The following RBFOX1 variants were observed in gnomAD, a reference collection of about 807,000 sequenced individuals.
RBFOX1 encodes RNA binding protein fox-1 homolog 1.
In RBFOX1, 8 loss-of-function variants were observed where a neutral mutation model predicts 57.7. That is an observed-to-expected ratio of 0.14 (90% confidence interval 0.08 to 0.25). RBFOX1 has a LOEUF of 0.25. Among genes scored for constraint, RBFOX1 ranks in the 10% least tolerant of loss-of-function variants. The pLI is 1.00. For missense variants in RBFOX1, 611 were observed against 548.5 expected (o/e 1.11, Z -1.14); for synonymous variants, 326 against 222.4 (o/e 1.47, Z -4.15).
intron 1 of RBFOX1, among the ~76,000 whole-genome samples, chr16:5,362,536 A>G (rs981886602): frequency 3.3e-5 from 5 of 152,032 alleles, no homozygotes; most frequent in Admixed American, 3.3e-4. Flanking sequence ...CTAATTTTGT[A>G]TTTTTAGTAG....
chr16:5,493,502 G>C (rs1419252314), intron 2 of RBFOX1, among the ~76,000 whole-genome samples: 6 of 152,220 alleles, frequency 3.9e-5, no homozygotes, highest in Non-Finnish European at 7.3e-5. Context: ...AAAGTACCCT[G>C]CCTCCATCAG....
chr16:5,381,517 C>T (rs1456779164), intron 1 of RBFOX1, among the ~76,000 whole-genome samples: 4 of 152,146 alleles, frequency 2.6e-5, no homozygotes, highest in East Asian at 1.9e-4. Flanking sequence ...GCTGAGGCTG[C>T]AGGCCCATAG....
chr16:5,803,303 A>G (rs1387994061), intron 3 of RBFOX1, among the ~76,000 whole-genome samples: 3 of 152,068 alleles, frequency 2.0e-5, no homozygotes, highest in Non-Finnish European at 4.4e-5. Context: ...GTTCCTTTGT[A>G]CTATTTTATG....
rs548843619 is a variant in RBFOX1 at position 5,911,424 on chromosome 16, T to C, written c.351+44089T>C. Among the ~76,000 whole-genome samples, 12 of 152,310 alleles carry C rather than the reference T, an allele frequency of 7.9e-5. No homozygotes were observed. In the South Asian group the frequency reaches 2.5e-3, roughly 32 times the overall value. On this transcript the variant is annotated intron_variant, in intron 4 of 19. Coordinates refer to the RBFOX1 transcript ENST00000641259. ...GCTGTTGAGATAAGCACAACTTCCC[T>C]GGGGGCACCATCCTAGCATTTCACG...
chr16:5,817,174 C>G (rs1194570048), intron 3 of RBFOX1, among the ~76,000 whole-genome samples: 2 of 152,166 alleles, frequency 1.3e-5, no homozygotes. Context: ...CTCTCTCTAT[C>G]TCTCTGTGTG....
chr16:6,849,611 G>T (rs1170666570), intron 3 of RBFOX1, among the ~76,000 whole-genome samples: 4 of 152,208 alleles, frequency 2.6e-5, no homozygotes, highest in African/African-American at 9.7e-5. Flanking sequence ...GGAGGTTTCA[G>T]TGAGCTGAGA....
intron 2 of RBFOX1, among the ~76,000 whole-genome samples, chr16:6,369,365 T>TA (rs538172654): frequency 6.6e-6 from 1 of 152,178 alleles, no homozygotes; most frequent in Admixed American, 6.5e-5. Flanking sequence ...AGGATTGATT[T>TA]AAAAAATGGA....
chr16:7,368,519 C>T (rs751900346), intron 4 of RBFOX1, among the ~76,000 whole-genome samples: 11 of 151,992 alleles, frequency 7.2e-5, no homozygotes, highest in Non-Finnish European at 1.2e-4. Context: ...TGGCTCACAC[C>T]TGTAATCCCA....
At chr16:7,499,503 G>A (rs1307799941) in intron 4 of RBFOX1, among the ~76,000 whole-genome samples, 1 of 152,082 alleles carries the variant, frequency 6.6e-6, no homozygotes, top group African/African-American at 2.4e-5. Context: ...ATAACAGTAT[G>A]TGTTCAATAA....
intron 3 of RBFOX1, among the ~76,000 whole-genome samples, chr16:6,963,682 GATTT>G (rs966806399): frequency 3.3e-5 from 5 of 151,946 alleles, no homozygotes; most frequent in African/African-American, 1.2e-4. Context: ...GAGCATAGAG[GATTT>G]ATTTATTTAT....
chr16:7,236,314 G>T (rs1168996500), intron 4 of RBFOX1, among the ~76,000 whole-genome samples: 1 of 152,212 alleles, frequency 6.6e-6, no homozygotes, highest in Admixed American at 6.5e-5. Flanking sequence ...TTCAGCTCAA[G>T]TTAGGGAGAG....
In RBFOX1 at chr16:7,273,184, TCCTCCCTTCCTTCCTC is replaced by T. The variant is rs1280600621; in HGVS notation, c.27+221102_27+221117del. 5.5e-5 allele frequency among the ~76,000 whole-genome samples: 6 copies of T among 108,552 alleles called. 1 individual carries two copies. Among genetic ancestry groups the T allele is most frequent in the Non-Finnish European group, 7.7e-5 (4 of 52,138 alleles). The allele number at this position is 108,552 out of a possible 152,430, so 71.2% of individuals were successfully genotyped here. A position where few individuals can be genotyped will look rare whatever the true frequency, so the allele number is the denominator to read the frequency against. On this transcript the variant is annotated intron_variant, in intron 4 of 15. Coordinates refer to ENST00000550418, the MANE Select transcript of RBFOX1 (RefSeq NM_018723.4). ...TTCTTTCCTCTCTCCCTCCCTTCCTTCCTCCCTTCCTTCCTCCCTCCCTTCCTTCCTTCCTTCCTTC... is the reference window on the plus strand; with the variant it reads ...TTCTTTCCTCTCTCCCTCCCTTCCTTCCTCCCTTCCTTCCTTCCTTCCTTC...
intron 4 of RBFOX1, among the ~76,000 whole-genome samples, chr16:7,421,764 A>G (rs997520999): frequency 7.2e-5 from 11 of 152,218 alleles, no homozygotes; most frequent in Admixed American, 2.0e-4. Context: ...TTTCTGTACC[A>G]TGGCATCGTG....
chr16:6,922,906 T>C (rs965758628), intron 3 of RBFOX1, among the ~76,000 whole-genome samples: 2 of 152,204 alleles, frequency 1.3e-5, no homozygotes, highest in Non-Finnish European at 2.9e-5. Flanking sequence ...GGGGTCTATA[T>C]GTCTGTATTT....
intron 3 of RBFOX1, among the ~76,000 whole-genome samples, chr16:6,703,441 G>T (rs534094436): frequency 1.3e-5 from 2 of 152,138 alleles, no homozygotes; most frequent in Admixed American, 6.5e-5. Context: ...GCCAGGTATC[G>T]TGGTACATGC....
intron 5 of RBFOX1, among the ~76,000 whole-genome samples, chr16:7,557,662 C>CAAAA (rs2089086849): frequency 7.6e-6 from 1 of 131,186 alleles, no homozygotes. Context: ...AAAAAAAAAG[C>CAAAA]ATTTTCTTAA....
At chr16:7,012,017 G>A (rs187756860) in intron 3 of RBFOX1, among the ~76,000 whole-genome samples, 33 of 152,222 alleles carry the variant, frequency 2.2e-4, no homozygotes, top group Admixed American at 3.9e-4. Context: ...GTCTAGTCCA[G>A]TCACTGTAGG....
intron 4 of RBFOX1, among the ~76,000 whole-genome samples, chr16:7,160,839 C>T (rs9930347): frequency 1.8e-5 from 2 of 113,250 alleles, no homozygotes; most frequent in East Asian, 9.1e-4. Context: ...CTCCTCCTTC[C>T]TCCTCCTCCT....
intron 11 of RBFOX1, among the ~76,000 whole-genome samples, chr16:7,648,760 G>A (rs536961368): frequency 2.0e-5 from 3 of 152,190 alleles, no homozygotes; most frequent in South Asian, 2.1e-4. Context: ...CTGGAGTCCC[G>A]CTTTTCCCCT....
Sources: gnomAD v4.1 joint callset for allele counts (sites outside exome capture counted in the v4.1 genomes callset) on GRCh38, gnomAD v4.1.1 for gene constraint, MANE v1.5 for transcripts, NCBI Gene and HGNC (gene_info 2026-07-23, HGNC 2026-07-21) for gene names.